Variants in GLIS3 observed in about 807,000 individuals in gnomAD.
GLIS3 encodes zinc finger protein GLIS3.
GLIS3 carries 53 observed loss-of-function variants against 78.6 expected under a neutral mutation model. That is an observed-to-expected ratio of 0.67 (90% confidence interval 0.54 to 0.85). The LOEUF is 0.85. GLIS3 is among the 40% of genes least tolerant of loss of function. The probability of loss-of-function intolerance (pLI) is 0.00; values close to 1 mark genes in which losing one functional copy is unlikely to be tolerated. For missense variants in GLIS3, 1,703 were observed against 1,231.1 expected (o/e 1.38, Z -5.74); for synonymous variants, 684 against 509.9 (o/e 1.34, Z -4.60).
intron 4 of GLIS3, among the ~76,000 whole-genome samples, chr9:3,985,986 AAATC>A (rs1236888565): frequency 6.6e-6 from 1 of 152,262 alleles, no homozygotes; most frequent in Non-Finnish European, 1.5e-5. Flanking sequence ...GAAGAGAAAT[AAATC>A]AGTCATGCTA....
intron 4 of GLIS3, among the ~76,000 whole-genome samples, chr9:4,067,668 C>T (rs187380142): frequency 1.8e-4 from 28 of 151,900 alleles, no homozygotes; most frequent in Non-Finnish European, 1.5e-5. Context: ...GGGGGAACTC[C>T]AAAGACAGTA....
chr9:4,144,506 T>C (rs1834059689), intron 2 of GLIS3, among the ~76,000 whole-genome samples: 1 of 152,226 alleles, frequency 6.6e-6, no homozygotes, highest in South Asian at 2.1e-4. Context: ...TAGATGGTTG[T>C]TTATACATGA....
intron 1 of GLIS3, among the ~76,000 whole-genome samples, chr9:4,286,853 A>T (rs748266065): frequency 5.3e-5 from 8 of 152,212 alleles, no homozygotes; most frequent in Non-Finnish European, 8.8e-5. Flanking sequence ...TGTCCATACT[A>T]GTTCACTTTT....
At chr9:3,957,839 G>A (rs1042509771) in intron 4 of GLIS3, among the ~76,000 whole-genome samples, 5 of 152,104 alleles carry the variant, frequency 3.3e-5, no homozygotes, top group African/African-American at 4.8e-5. Flanking sequence ...GACAAACACC[G>A]TAGATATTGC....
intron 2 of GLIS3, among the ~76,000 whole-genome samples, chr9:4,162,261 TC>T (rs2131088149): frequency 6.6e-6 from 1 of 152,104 alleles, no homozygotes; most frequent in African/African-American, 2.4e-5. Flanking sequence ...CCCACTCTAA[TC>T]CGGTATGACC....
chr9:4,133,874 A>ACACACC (rs768664577), intron 2 of GLIS3, among the ~76,000 whole-genome samples: 3,872 of 123,892 alleles, frequency 0.031, 165 homozygotes, highest in Non-Finnish European at 0.043. Context: ...ACACACACAC[A>ACACACC]CCGTACATCT....
At chr9:4,388,396 G>T in the GLIS3 span, among the ~76,000 whole-genome samples, 1 of 151,936 alleles carries the variant, frequency 6.6e-6, no homozygotes, top group Non-Finnish European at 1.5e-5. Flanking sequence ...TAGAGAGGCA[G>T]GGCCAGGTGT....
At chr9:3,999,712 A>G (rs567072814) in intron 4 of GLIS3, among the ~76,000 whole-genome samples, 1 of 152,304 alleles carries the variant, frequency 6.6e-6, no homozygotes, top group South Asian at 2.1e-4. Context: ...TACATATTTA[A>G]TAAATTCTAA....
intron 2 of GLIS3, among the ~76,000 whole-genome samples, chr9:4,268,309 A>G (rs982844605): frequency 6.6e-6 from 1 of 152,184 alleles, no homozygotes; most frequent in Non-Finnish European, 1.5e-5. Context: ...CTCATTTAAA[A>G]AATTAAAATT....
Position 3,856,191 on chromosome 9 carries a change from A to G in GLIS3, c.2298-7T>C, listed in dbSNP as rs773477561. Reference sequence around the variant, plus strand: ...TGGAGCAGAAGGTGCAAACCTGAGAAAACAATTATAAAAGGAAACATGAGG... The same window carrying G: ...TGGAGCAGAAGGTGCAAACCTGAGAGAACAATTATAAAAGGAAACATGAGG... On this transcript the variant is annotated splice_polypyrimidine_tract_variant and splice_region_variant and intron_variant, in intron 8 of 10. Coordinates refer to ENST00000381971, the MANE Select transcript of GLIS3 (RefSeq NM_001042413.2). The G allele has an allele frequency of 6.2e-6, 10 of 1,611,948 alleles. No individual in the cohort carries two copies. Among genetic ancestry groups the G allele is most frequent in the Middle Eastern group, 1.7e-4 (1 of 5,974 alleles).
chr9:4,359,880 G>A, the GLIS3 span, among the ~76,000 whole-genome samples: 1 of 151,650 alleles, frequency 6.6e-6, no homozygotes, highest in Non-Finnish European at 1.5e-5. Context: ...TTTGTTCTAT[G>A]CTGAGATGAA....
chr9:4,182,243 G>C (rs1005720800), intron 2 of GLIS3, among the ~76,000 whole-genome samples: 2 of 152,196 alleles, frequency 1.3e-5, no homozygotes, highest in Non-Finnish European at 2.9e-5. Flanking sequence ...CTGAGCAGTA[G>C]TGTGTAAAAA....
chr9:4,002,364 CA>C (rs1416569293), intron 4 of GLIS3, among the ~76,000 whole-genome samples: 2 of 152,158 alleles, frequency 1.3e-5, no homozygotes, highest in Non-Finnish European at 2.9e-5. Context: ...TATGTTAAGA[CA>C]ATAAATTTGT....
chr9:4,394,388 T>C, the GLIS3 span, among the ~76,000 whole-genome samples: 1 of 151,894 alleles, frequency 6.6e-6, no homozygotes, highest in Non-Finnish European at 1.5e-5. Context: ...ACAGGAGTAA[T>C]ATGGGGTGGT....
At chr9:4,285,056 T>A (rs1827868654) in intron 2 of GLIS3, among the ~76,000 whole-genome samples, 1 of 152,214 alleles carries the variant, frequency 6.6e-6, no homozygotes, top group Non-Finnish European at 1.5e-5. Context: ...CTGATAGAAA[T>A]CATTATTCAC....
rs572760678 is a variant in GLIS3 at position 4,225,232 on chromosome 9, T to G, written c.388+60806A>C. 1.4e-3 allele frequency among the ~76,000 whole-genome samples: 216 copies of G among 152,214 alleles called. 6 individuals carry two copies. In the South Asian group the frequency reaches 0.043, roughly 31 times the overall value. ...CATTTTCCCCTACAACTGCAAAAGG[T>G]TGACTCTCATATACTTCGCTCTTTA... On this transcript the variant is annotated intron_variant, in intron 2 of 10. Transcript: ENST00000381971.
chr9:4,223,017 G>T (rs1821464381), intron 2 of GLIS3, among the ~76,000 whole-genome samples: 1 of 152,068 alleles, frequency 6.6e-6, no homozygotes, highest in African/African-American at 2.4e-5. Context: ...CCTTAGGTAG[G>T]CTGGGATCTT....
chr9:4,472,731 A>T, the GLIS3 span, among the ~76,000 whole-genome samples: 3 of 152,160 alleles, frequency 2.0e-5, no homozygotes, highest in Admixed American at 6.5e-5. Context: ...CGTTGTGCAC[A>T]TGTACCCTAG....
chr9:4,113,381 C>T (rs1831385279), intron 4 of GLIS3, among the ~76,000 whole-genome samples: 1 of 152,108 alleles, frequency 6.6e-6, no homozygotes, highest in African/African-American at 2.4e-5. Flanking sequence ...TGGATAGACT[C>T]ATCTTCAACC....
Sources: gnomAD v4.1 joint callset for allele counts (sites outside exome capture counted in the v4.1 genomes callset) on GRCh38, gnomAD v4.1.1 for gene constraint, MANE v1.5 for transcripts, NCBI Gene and HGNC (gene_info 2026-07-23, HGNC 2026-07-21) for gene names.